The following IGSF10 variants were observed in gnomAD, a reference collection of about 807,000 sequenced individuals.
IGSF10 encodes immunoglobulin superfamily member 10.
Under a neutral mutation model 128.2 loss-of-function variants are expected in IGSF10, and 126 were observed. The observed-to-expected ratio is 0.98, with a 90% confidence interval of 0.85 to 1.14. IGSF10 has a LOEUF of 1.14. Ranked by LOEUF, IGSF10 falls within the 50% of genes most tolerant of loss-of-function variation. The pLI is 0.00. For missense variants in IGSF10, 3,295 were observed against 3,149.8 expected (o/e 1.05, Z -1.10); for synonymous variants, 1,185 against 1,146.2 (o/e 1.03, Z -0.68).
the IGSF10 span, among the ~76,000 whole-genome samples, chr3:151,515,968 G>A: frequency 6.6e-6 from 1 of 152,088 alleles, no homozygotes; most frequent in East Asian, 1.9e-4. Context: ...CAAGAGGGCT[G>A]ACACTACATA....
the IGSF10 span, among the ~76,000 whole-genome samples, chr3:151,600,449 A>G: frequency 1.3e-5 from 2 of 152,146 alleles, no homozygotes; most frequent in Non-Finnish European, 2.9e-5. Flanking sequence ...ACTATACTGT[A>G]TATTCCCTTA....
the IGSF10 span, among the ~76,000 whole-genome samples, chr3:151,595,979 A>G: frequency 1.3e-5 from 2 of 152,114 alleles, no homozygotes; most frequent in Non-Finnish European, 2.9e-5. Context: ...CACACACACA[A>G]AAGAGGGTAG....
chr3:151,547,429 T>TATATAC, the IGSF10 span, among the ~76,000 whole-genome samples: 14 of 146,958 alleles, frequency 9.5e-5, no homozygotes, highest in East Asian at 4.0e-4. Flanking sequence ...AATATATATA[T>TATATAC]ACACACACAC....
chr3:151,449,440 T>A (rs899054392), intron 5 of IGSF10, among the ~76,000 whole-genome samples, 175 bp from the exon 6 acceptor site: 7 of 152,258 alleles, frequency 4.6e-5, no homozygotes, highest in Non-Finnish European at 7.3e-5. Flanking sequence ...TATGTCTGTA[T>A]ACCCTGCTAC....
chr3:151,497,316 T>A, the IGSF10 span, among the ~76,000 whole-genome samples: 47,819 of 152,042 alleles, frequency 0.31, 8,145 homozygotes, highest in Middle Eastern at 0.41. Context: ...TAGGTCTAAC[T>A]TTTAAGTCTT....
chr3:151,460,372 C>G, intron 1 of IGSF10, 25 bp from the exon 2 acceptor site: 1 of 775,692 alleles, frequency 1.3e-6, no homozygotes, highest in African/African-American at 1.9e-5. Context: ...GTTCTCTGCT[C>G]CAAAGTGAGC....
chr3:151,502,635 C>G, the IGSF10 span, among the ~76,000 whole-genome samples: 9 of 151,892 alleles, frequency 5.9e-5, no homozygotes, highest in South Asian at 1.9e-3. Flanking sequence ...TATAAAATTA[C>G]TATATAACTA....
the IGSF10 span, among the ~76,000 whole-genome samples, chr3:151,596,500 T>G: frequency 6.6e-6 from 1 of 152,034 alleles, no homozygotes; most frequent in Non-Finnish European, 1.5e-5. Flanking sequence ...GTGTGTGTAT[T>G]GTGTATGTGT....
chr3:151,437,256 A>G lies in IGSF10; in HGVS notation c.7305T>C (p.Leu2435=), dbSNP rs112300737. Residue 2435 remains leucine, a synonymous_variant, in exon 8 of 8, where the codon CTT becomes CTC. Coordinates refer to ENST00000282466, the MANE Select transcript of IGSF10 (RefSeq NM_178822.5). ...CTTTTACTGTCCCTGGTGCATAGGT[A>G]AGAATAACTGGCTTCTGGCCAATTT... ...ILEIGQKPVI[L]TYAPGTVKGI... is the part of the protein sequence containing the mutation. 12,848 of 1,614,176 alleles carry G rather than the reference A, an allele frequency of 8.0e-3. 64 individuals carry two copies. The highest frequency in any genetic ancestry group is 0.012 in the South Asian group (1,103 of 91,086).
chr3:151,523,472 A>G, the IGSF10 span, among the ~76,000 whole-genome samples: 78 of 152,326 alleles, frequency 5.1e-4, no homozygotes, highest in Admixed American at 3.9e-3. Context: ...AAACAGGCAC[A>G]TAGACCAATG....
the IGSF10 span, among the ~76,000 whole-genome samples, chr3:151,543,626 G>T: frequency 6.6e-6 from 1 of 152,152 alleles, no homozygotes; most frequent in Non-Finnish European, 1.5e-5. Flanking sequence ...CAGTCGAGCT[G>T]AGCCAAGCCC....
At chr3:151,576,141 GTT>G in the IGSF10 span, among the ~76,000 whole-genome samples, 1 of 151,200 alleles carries the variant, frequency 6.6e-6, no homozygotes, top group East Asian at 1.9e-4. Flanking sequence ...ACCTCTTCCA[GTT>G]TCTGCTATAT....
the IGSF10 span, among the ~76,000 whole-genome samples, chr3:151,486,657 C>G: frequency 6.6e-6 from 1 of 152,316 alleles, no homozygotes. Context: ...GATTAAGAAA[C>G]TCACTCAAAA....
chr3:151,471,226 T>C, the IGSF10 span, among the ~76,000 whole-genome samples: 1 of 152,158 alleles, frequency 6.6e-6, no homozygotes, highest in Admixed American at 6.5e-5. Flanking sequence ...CACCTTCTGC[T>C]TCCCCAGCCA....
At chr3:151,610,481 G>T in the IGSF10 span, among the ~76,000 whole-genome samples, 2 of 152,168 alleles carry the variant, frequency 1.3e-5, no homozygotes, top group African/African-American at 2.4e-5. Context: ...TTATAGGTGT[G>T]ATAGCTAGTC....
At chr3:151,589,639 T>A in the IGSF10 span, among the ~76,000 whole-genome samples, 1 of 152,216 alleles carries the variant, frequency 6.6e-6, no homozygotes, top group South Asian at 2.1e-4. Context: ...TATTTCATAG[T>A]CTTTGAAATA....
At chr3:151,614,829 A>G in the IGSF10 span, among the ~76,000 whole-genome samples, 1 of 152,088 alleles carries the variant, frequency 6.6e-6, no homozygotes, top group African/African-American at 2.4e-5. Context: ...AATAATAATA[A>G]AATAAAAAAA....
chr3:151,438,150 T>TA lies in IGSF10; in HGVS notation c.6410dup (p.Thr2138AsnfsTer10), dbSNP rs747165318. The TA allele has an allele frequency of 1.1e-5, 17 of 1,614,060 alleles. No homozygotes were observed. The Admixed American group carries it at 2.7e-4, about 25-fold the overall frequency. On this transcript the variant is annotated frameshift_variant, in exon 8 of 8. Coordinates refer to ENST00000282466, the MANE Select transcript of IGSF10 (RefSeq NM_178822.5). LOFTEE classifies it low-confidence loss of function (END_TRUNC). Reference sequence around the variant, plus strand: ...TCTGCCTTATCCGGGGAGCAGCTGTTATAACTGTTAAGTGGACCTTCATTT... The same window carrying TA: ...TCTGCCTTATCCGGGGAGCAGCTGTTAATAACTGTTAAGTGGACCTTCATTT...
chr3:151,500,278 A>C, the IGSF10 span, among the ~76,000 whole-genome samples: 4 of 151,820 alleles, frequency 2.6e-5, no homozygotes, highest in African/African-American at 9.7e-5. Context: ...AAAGAGAATG[A>C]ATCATGTATT....
Sources: allele counts gnomAD v4.1 joint callset (sites outside exome capture counted in the v4.1 genomes callset), GRCh38; gene constraint gnomAD v4.1.1; transcripts MANE v1.5; gene names NCBI Gene and HGNC (gene_info 2026-07-23, HGNC 2026-07-21).